Variants in BABAM2 observed in about 807,000 individuals in gnomAD.
BABAM2 encodes BRISC and BRCA1 A complex member 2.
In BABAM2, 31 loss-of-function variants were observed where a neutral mutation model predicts 54.7. The observed-to-expected ratio is 0.57, with a 90% CI of 0.43 to 0.77. The LOEUF (loss-of-function observed/expected upper bound fraction) is 0.77. BABAM2 is among the 30% of genes least tolerant of loss of function. The probability of loss-of-function intolerance (pLI) is 0.00; values close to 1 mark genes in which losing one functional copy is unlikely to be tolerated. For synonymous variants in BABAM2, 167 were observed against 162.9 expected, an observed-to-expected ratio of 1.03 and a Z score of -0.19; for missense variants, 364 against 455.8, an observed-to-expected ratio of 0.80 and a Z score of 1.83.
chr2:27,989,165 GTATTCACCCCA>G (rs959560334), intron 4 of BABAM2, among the ~76,000 whole-genome samples: 2 of 151,736 alleles, frequency 1.3e-5, no homozygotes, highest in African/African-American at 4.8e-5. Flanking sequence ...TGTGTGTTAC[GTATTCACCCCA>G]TATTAAAGCT....
At chr2:28,075,528 T>C (rs551914729) in intron 6 of BABAM2, among the ~76,000 whole-genome samples, 152 of 150,346 alleles carry the variant, frequency 1.0e-3, no homozygotes, top group African/African-American at 2.9e-3. Context: ...CATCACGTTT[T>C]TCTCTCTCTC....
intron 3 of BABAM2, among the ~76,000 whole-genome samples, chr2:27,931,928 A>G (rs1484684949): frequency 1.3e-5 from 2 of 152,090 alleles, no homozygotes; most frequent in Non-Finnish European, 2.9e-5. Context: ...TTGTTAACTT[A>G]CTGTCCGTTC....
chr2:28,063,584 C>T (rs149946761), intron 6 of BABAM2, among the ~76,000 whole-genome samples: 63 of 149,102 alleles, frequency 4.2e-4, no homozygotes, highest in South Asian at 1.9e-3. Context: ...GACAGTGCAG[C>T]TCTACACAGT....
At chr2:28,167,564 G>A (rs1673823412) in intron 7 of BABAM2, among the ~76,000 whole-genome samples, 1 of 151,678 alleles carries the variant, frequency 6.6e-6, no homozygotes, top group Non-Finnish European at 1.5e-5. Context: ...CATTGTGGCG[G>A]GTGCCTGTAA....
At chr2:27,962,263 A>T (rs184460670) in intron 3 of BABAM2, among the ~76,000 whole-genome samples, 1 of 152,068 alleles carries the variant, frequency 6.6e-6, no homozygotes, top group Non-Finnish European at 1.5e-5. Context: ...AAGCCACTGC[A>T]TCTGGCTAAT....
intron 3 of BABAM2, among the ~76,000 whole-genome samples, chr2:27,961,068 T>C (rs1182702232): frequency 6.6e-6 from 1 of 152,140 alleles, no homozygotes; most frequent in African/African-American, 2.4e-5. Context: ...TTAGACACTT[T>C]AGGAGTAACA....
Position 28,244,765 on chromosome 2 carries a change from G to C in BABAM2, c.852-15G>C. 1 of 1,608,040 alleles carries C rather than the reference G, an allele frequency of 6.2e-7. No individual in the cohort carries two copies. Reference sequence around the variant, plus strand: ...GGGTTTTTTTTGTTTGTGTGTGTATGTTTTTATTACTTAGAGGTGTCGTGG... The same window carrying C: ...GGGTTTTTTTTGTTTGTGTGTGTATCTTTTTATTACTTAGAGGTGTCGTGG... On this transcript the variant is annotated splice_polypyrimidine_tract_variant and intron_variant, in intron 9 of 11. Transcript: ENST00000379624.
At chr2:28,031,970 A>C (rs1676325580) in intron 5 of BABAM2, among the ~76,000 whole-genome samples, 1 of 152,260 alleles carries the variant, frequency 6.6e-6, no homozygotes, top group Non-Finnish European at 1.5e-5. Context: ...TTTTTGTATG[A>C]AATAAATGGA....
chr2:28,335,941 C>T (rs575001408), intron 11 of BABAM2, among the ~76,000 whole-genome samples: 14 of 152,298 alleles, frequency 9.2e-5, no homozygotes, highest in Non-Finnish European at 2.1e-4. Flanking sequence ...GAGGATCCTT[C>T]ACTTTCTTAG....
intron 7 of BABAM2, among the ~76,000 whole-genome samples, chr2:28,187,795 A>G (rs1676477421): frequency 6.7e-6 from 1 of 150,282 alleles, no homozygotes; most frequent in Non-Finnish European, 1.5e-5. Context: ...CAGCTGCCCA[A>G]GTAGCTGGGA....
chr2:28,267,016 T>G (rs1685038386), intron 10 of BABAM2, among the ~76,000 whole-genome samples: 1 of 152,058 alleles, frequency 6.6e-6, no homozygotes, highest in Admixed American at 6.6e-5. Flanking sequence ...ATTAGCTGGG[T>G]GTGGTGACAG....
chr2:28,083,736 TG>T, intron 6 of BABAM2, among the ~76,000 whole-genome samples: 1 of 152,276 alleles, frequency 6.6e-6, no homozygotes, highest in South Asian at 2.1e-4. Flanking sequence ...ATTTGGCCTG[TG>T]GGTAACTAGA....
chr2:27,994,551 C>T (rs888974689), intron 4 of BABAM2, among the ~76,000 whole-genome samples: 1 of 152,168 alleles, frequency 6.6e-6, no homozygotes, highest in African/African-American at 2.4e-5. Flanking sequence ...CTTTGATCTT[C>T]GTACAAATGA....
chr2:28,116,977 A>G (rs1668668591), intron 6 of BABAM2, among the ~76,000 whole-genome samples: 1 of 152,170 alleles, frequency 6.6e-6, no homozygotes, highest in Non-Finnish European at 1.5e-5. Flanking sequence ...CAAATGGCAT[A>G]CTCCTATGGA....
chr2:28,216,491 A>G (rs1679929470), intron 7 of BABAM2, among the ~76,000 whole-genome samples: 1 of 152,216 alleles, frequency 6.6e-6, no homozygotes, highest in South Asian at 2.1e-4. Context: ...CTTGGAATGA[A>G]AACCATCTAA....
At chr2:28,315,032 GAGA>G (rs1689401923) in intron 11 of BABAM2, among the ~76,000 whole-genome samples, 1 of 72,230 alleles carries the variant, frequency 1.4e-5, no homozygotes, top group Non-Finnish European at 2.8e-5. Flanking sequence ...AGGAGAGAGA[GAGA>G]AGAAAGAAAG....
intron 2 of BABAM2, among the ~76,000 whole-genome samples, chr2:27,926,271 C>T (rs776151965): frequency 6.6e-6 from 1 of 152,034 alleles, no homozygotes; most frequent in Non-Finnish European, 1.5e-5. Flanking sequence ...TTACTGTGTC[C>T]TAATCTTTTG....
intron 2 of BABAM2, chr2:27,894,929 T>C: frequency 2.2e-6 from 1 of 460,340 alleles, no homozygotes; most frequent in South Asian, 3.6e-5. Flanking sequence ...CTGTTTTTTC[T>C]TTGTGAAGAG....
Position 28,237,672 on chromosome 2 carries a change from C to T in BABAM2, c.780+371C>T, listed in dbSNP as rs1042012132. Reference sequence around the variant, plus strand: ...TTCCCAATTATCCAGTGCATGCACACGTGTGTGCATGTGTTTGGCAGTAGT... The same window carrying T: ...TTCCCAATTATCCAGTGCATGCACATGTGTGTGCATGTGTTTGGCAGTAGT... On this transcript the variant is annotated intron_variant, in intron 8 of 11. Transcript: ENST00000379624. Among the ~76,000 whole-genome samples the T allele has an allele frequency of 2.6e-5, 4 of 152,190 alleles. No individual in the cohort carries two copies. In the East Asian group the frequency reaches 5.8e-4, roughly 22 times the overall value.
Sources: gnomAD v4.1 joint callset for allele counts (sites outside exome capture counted in the v4.1 genomes callset) on GRCh38, gnomAD v4.1.1 for gene constraint, MANE v1.5 for transcripts, NCBI Gene and HGNC (gene_info 2026-07-23, HGNC 2026-07-21) for gene names.